ANKRD12: variants seen among roughly 807,000 people sequenced by gnomAD.
ANKRD12 encodes ankyrin repeat domain-containing protein 12.
A neutral mutation model predicts 183.4 loss-of-function variants in ANKRD12; 85 were observed. The ratio of observed to expected loss-of-function variants is 0.46; its 90% CI spans 0.39 to 0.56. The LOEUF (loss-of-function observed/expected upper bound fraction) is 0.56, where lower values mean the gene tolerates loss of function less well. Ranked by LOEUF, ANKRD12 falls within the 20% of genes least tolerant of loss-of-function variation. The pLI, the probability that ANKRD12 is intolerant of heterozygous loss-of-function variation, is 0.00. For missense variants in ANKRD12, 2,405 were observed against 2,357.1 expected (o/e 1.02, Z -0.42); for synonymous variants, 914 against 800.2 (o/e 1.14, Z -2.40).
At chr18:9,137,369 C>T (rs1299404096) in intron 1 of ANKRD12, among the ~76,000 whole-genome samples, 1 of 146,374 alleles carries the variant, frequency 6.8e-6, no homozygotes, top group Admixed American at 6.8e-5. Context: ...CCGCGGCTGG[C>T]GGGGCTGGGC....
chr18:9,146,138 A>G (rs1430266392), intron 1 of ANKRD12, among the ~76,000 whole-genome samples: 1 of 152,218 alleles, frequency 6.6e-6, no homozygotes, highest in Non-Finnish European at 1.5e-5. Context: ...TTTCTTTTTT[A>G]GGGGTTATTT....
intron 9 of ANKRD12, chr18:9,259,884 T>G (rs949194604): frequency 6.6e-6 from 1 of 152,140 alleles, no homozygotes; most frequent in Admixed American, 6.6e-5. Context: ...TCAAGGCAGG[T>G]TGAAATAGTA....
At position 9,208,684 on chromosome 18, in the gene ANKRD12, CAAAA is replaced by C; in HGVS notation, c.335_338del (p.Lys112ArgfsTer31). 2 of 1,609,140 alleles carry C rather than the reference CAAAA, an allele frequency of 1.2e-6. No homozygotes were observed. Among genetic ancestry groups the C allele is most frequent in the Non-Finnish European group, 1.7e-6 (2 of 1,178,092 alleles). On this transcript the variant is annotated frameshift_variant, in exon 5 of 13. Transcript: ENST00000262126. LOFTEE classifies it high-confidence loss of function. ...AAAGAAGGTCCAGAAAAGAAGAAGACAAAAAAGGAAGCTGGAAATAAGAAATCCA... is the reference window on the plus strand; with the variant it reads ...AAAGAAGGTCCAGAAAAGAAGAAGACAAGGAAGCTGGAAATAAGAAATCCA...
intron 1 of ANKRD12, among the ~76,000 whole-genome samples, chr18:9,175,501 GA>G (rs2033179038): frequency 9.2e-6 from 1 of 108,380 alleles, no homozygotes; most frequent in African/African-American, 3.3e-5. Context: ...TTGATCACTT[GA>G]TCAGTTTTTC....
intron 1 of ANKRD12, among the ~76,000 whole-genome samples, chr18:9,152,619 T>C (rs2078719210): frequency 6.6e-6 from 1 of 152,104 alleles, no homozygotes; most frequent in Non-Finnish European, 1.5e-5. Context: ...TAGTAATATA[T>C]ATATATTGGA....
rs148422284 is a variant in ANKRD12, at chr18:9,193,745, TGA to T, written c.88-1802_88-1801del. ...TCTGAATCTACTTTTCATTTGCTTT[TGA>T]GAGTTTCTACAATCATGATAAATTA... On this transcript the variant is annotated intron_variant, in intron 2 of 12. Coordinates refer to ENST00000262126, the MANE Select transcript of ANKRD12 (RefSeq NM_015208.5). 4.0e-3 allele frequency among the ~76,000 whole-genome samples: 612 copies of T among 152,338 alleles called. 4 individuals carry two copies. The highest frequency in any genetic ancestry group is 0.014 in the African/African-American group (579 of 41,586).
At chr18:9,268,049 C>A (rs1169344226) in intron 10 of ANKRD12, among the ~76,000 whole-genome samples, 1 of 152,020 alleles carries the variant, frequency 6.6e-6, no homozygotes, top group Non-Finnish European at 1.5e-5. Context: ...ACACATACAC[C>A]CTCCCAAGAC....
rs372262919 is a variant in ANKRD12 at position 9,257,072 on chromosome 18, T to C, written c.3805T>C (p.Leu1269=). 8.6e-5 allele frequency: 138 copies of C among 1,614,036 alleles called. No homozygotes were observed. The Middle Eastern group carries it at 1.2e-3, about 13-fold the overall frequency. The change falls in exon 9 of 13, where the codon TTG becomes CTG. Residue 1269 remains leucine, a synonymous_variant. Transcript: ENST00000262126. ...AAGGGAATTGGACAGCCTGGCTGAC[T>C]TGCCGGAGCGGATTAAACCACCATA... ...HERELDSLAD[L]PERIKPPYAN... is the part of the protein sequence containing the mutation.
chr18:9,188,502 A>G (rs755247104), intron 2 of ANKRD12, among the ~76,000 whole-genome samples: 2 of 152,230 alleles, frequency 1.3e-5, no homozygotes, highest in Non-Finnish European at 2.9e-5. Context: ...TTATGTCCCA[A>G]CACAGCTGTA....
rs77198726 is a variant in ANKRD12, at chr18:9,142,200, C to G, written c.-52+5235C>G. ...GAGAACAAAAACCATTTGTGGCTCTCTTTTCTGCCTAGAAATAGCTATATT... is the reference window on the plus strand; with the variant it reads ...GAGAACAAAAACCATTTGTGGCTCTGTTTTCTGCCTAGAAATAGCTATATT... On this transcript the variant is annotated intron_variant, in intron 1 of 12. Coordinates refer to ENST00000262126, the MANE Select transcript of ANKRD12 (RefSeq NM_015208.5). Among the ~76,000 whole-genome samples, 853 of 152,294 alleles carry G rather than the reference C, an allele frequency of 5.6e-3. 12 individuals carry two copies. Among genetic ancestry groups the G allele is most frequent in the African/African-American group, 0.02 (815 of 41,560 alleles).
At chr18:9,247,421 G>A (rs762433501) in intron 8 of ANKRD12, among the ~76,000 whole-genome samples, 3 of 152,076 alleles carry the variant, frequency 2.0e-5, no homozygotes, top group Non-Finnish European at 4.4e-5. Context: ...CAAGGTTACA[G>A]TGAGCTGCGA....
intron 11 of ANKRD12, among the ~76,000 whole-genome samples, chr18:9,278,900 A>G (rs1310362102): frequency 2.0e-5 from 3 of 152,232 alleles, no homozygotes; most frequent in East Asian, 3.9e-4. Context: ...CTGTGTACCT[A>G]AGCATTATGA....
intron 8 of ANKRD12, among the ~76,000 whole-genome samples, chr18:9,232,827 G>A (rs1454723837): frequency 7.2e-6 from 1 of 138,978 alleles, no homozygotes; most frequent in African/African-American, 2.7e-5. Flanking sequence ...ATTTTTGTCT[G>A]GTTAGTTTTG....
chr18:9,250,907 T>A (rs1001383033), intron 8 of ANKRD12, among the ~76,000 whole-genome samples: 1 of 152,094 alleles, frequency 6.6e-6, no homozygotes, highest in African/African-American at 2.4e-5. Context: ...AAGTAATGAG[T>A]TGAATGTTTT....
chr18:9,248,803 A>G (rs996810656), intron 8 of ANKRD12, among the ~76,000 whole-genome samples: 3 of 152,262 alleles, frequency 2.0e-5, no homozygotes, highest in Non-Finnish European at 4.4e-5. Flanking sequence ...CAAATCAAAT[A>G]GCATATCTGT....
intron 10 of ANKRD12, 66 bp downstream of exon 10, chr18:9,263,954 C>T: frequency 4.3e-6 from 5 of 1,172,568 alleles, no homozygotes; most frequent in African/African-American, 1.6e-5. Flanking sequence ...ATTAAAATGG[C>T]CTATAATTTT....
At chr18:9,204,337 G>T in intron 3 of ANKRD12, 139 bp from the exon 4 acceptor site, 1 of 647,064 alleles carries the variant, frequency 1.5e-6, no homozygotes, top group African/African-American at 1.9e-5. Flanking sequence ...TATAATTTTG[G>T]CTTTACTTTA....
At chr18:9,155,169 G>A (rs745365397) in intron 1 of ANKRD12, among the ~76,000 whole-genome samples, 2 of 152,186 alleles carry the variant, frequency 1.3e-5, no homozygotes, top group Admixed American at 6.5e-5. Flanking sequence ...AGTGGGGAGG[G>A]TTAATGGGTA....
At chr18:9,226,724 T>TA (rs1249611622) in intron 8 of ANKRD12, among the ~76,000 whole-genome samples, 2 of 152,102 alleles carry the variant, frequency 1.3e-5, no homozygotes, top group East Asian at 3.9e-4. Flanking sequence ...AGGAAGGAGA[T>TA]ATGGCCATAT....
Sources: allele counts gnomAD v4.1 joint callset (sites outside exome capture counted in the v4.1 genomes callset), GRCh38; gene constraint gnomAD v4.1.1; transcripts MANE v1.5; gene names NCBI Gene and HGNC (gene_info 2026-07-23, HGNC 2026-07-21).